PLXDC2: variants seen among roughly 807,000 people sequenced by gnomAD.
The protein encoded by PLXDC2 is plexin domain-containing protein 2.
In PLXDC2, 40 loss-of-function variants were observed where a neutral mutation model predicts 68.9. The ratio of observed to expected loss-of-function variants is 0.58; its 90% confidence interval spans 0.45 to 0.76. PLXDC2 has a LOEUF of 0.76. PLXDC2 is among the 30% of genes least tolerant of loss of function. The pLI, the probability that PLXDC2 is intolerant of heterozygous loss-of-function variation, is 0.00. For missense variants in PLXDC2, 644 were observed against 661.9 expected, an observed-to-expected ratio of 0.97 and a Z score of 0.30; for synonymous variants, 243 against 234.2, an observed-to-expected ratio of 1.04 and a Z score of -0.34.
intron 1 of PLXDC2, among the ~76,000 whole-genome samples, chr10:19,983,493 C>T (rs954028944): frequency 6.6e-6 from 1 of 152,160 alleles, no homozygotes; most frequent in African/African-American, 2.4e-5. Context: ...GAATTATCTG[C>T]TGGACTAGAA....
chr10:20,259,203 C>A (rs1835780946), intron 13 of PLXDC2, among the ~76,000 whole-genome samples: 1 of 151,864 alleles, frequency 6.6e-6, no homozygotes, highest in Non-Finnish European at 1.5e-5. Context: ...AGAACAATTG[C>A]CTTTTTTTTC....
chr10:19,983,615 T>G lies in PLXDC2; in HGVS notation c.113-18160T>G, dbSNP rs117546080. ...CTAACGCCCCAGTGAGATAAGAATA[T>G]GTATGTAGCTTTATTTCCTTCTGCC... On this transcript the variant is annotated intron_variant, in intron 1 of 13. Coordinates refer to ENST00000377252, the MANE Select transcript of PLXDC2 (RefSeq NM_032812.9). 4.2e-3 allele frequency among the ~76,000 whole-genome samples: 643 copies of G among 152,290 alleles called. 5 individuals are homozygous for G. Among genetic ancestry groups the G allele is most frequent in the South Asian group, 0.018 (85 of 4,830 alleles).
intron 1 of PLXDC2, among the ~76,000 whole-genome samples, chr10:19,990,429 C>G (rs1834728083): frequency 6.6e-6 from 1 of 152,010 alleles, no homozygotes; most frequent in Admixed American, 6.6e-5. Flanking sequence ...TCTAGTTTAT[C>G]TAGAATTTGC....
chr10:20,131,719 T>C (rs1833870610), intron 4 of PLXDC2, among the ~76,000 whole-genome samples: 1 of 152,188 alleles, frequency 6.6e-6, no homozygotes, highest in African/African-American at 2.4e-5. Flanking sequence ...TTTATTATTC[T>C]ATTTTTTCTT....
Position 19,999,133 on chromosome 10 carries a change from G to C in PLXDC2, c.113-2642G>C, listed in dbSNP as rs115621685. Among the ~76,000 whole-genome samples, 309 of 152,286 alleles carry C rather than the reference G, an allele frequency of 2.0e-3. 2 individuals are homozygous for C. Among genetic ancestry groups the C allele is most frequent in the African/African-American group, 5.5e-3 (230 of 41,584 alleles). ...TTAGAAGTAGAATCCCATGCAGAAG[G>C]CTCCTCCAGTATTAGGCATTCCGTT... On this transcript the variant is annotated intron_variant, in intron 1 of 13. Transcript: ENST00000377252.
At chr10:19,946,731 T>G (rs1439751018) in intron 1 of PLXDC2, among the ~76,000 whole-genome samples, 2 of 152,004 alleles carry the variant, frequency 1.3e-5, no homozygotes, top group African/African-American at 4.8e-5. Flanking sequence ...CGGTGGGTGA[T>G]GGGAGACAGA....
At chr10:20,206,891 G>A (rs1010925188) in intron 9 of PLXDC2, among the ~76,000 whole-genome samples, 4 of 150,194 alleles carry the variant, frequency 2.7e-5, no homozygotes, top group Non-Finnish European at 6.0e-5. Flanking sequence ...CACACACACA[G>A]CACCTCAGTG....
chr10:19,819,058 A>T (rs1836413106), intron 1 of PLXDC2, among the ~76,000 whole-genome samples: 1 of 151,916 alleles, frequency 6.6e-6, no homozygotes, highest in Admixed American at 6.6e-5. Flanking sequence ...ACACACACAC[A>T]CACACAATAC....
rs565513387 is a variant in PLXDC2, at chr10:20,007,159, G to A, written c.324+5173G>A. ...CCTTCACTGAATTCCACAACTCAGG[G>A]ACATATGTGTAAATGAGCAGGGCAA... On this transcript the variant is annotated intron_variant, in intron 2 of 13. Transcript: ENST00000377252. 3.9e-5 allele frequency among the ~76,000 whole-genome samples: 6 copies of A among 152,298 alleles called. No individual in the cohort carries two copies. In the South Asian group the frequency reaches 1.2e-3, roughly 32 times the overall value.
chr10:20,054,358 G>C (rs1006082130), intron 3 of PLXDC2, among the ~76,000 whole-genome samples: 1 of 152,010 alleles, frequency 6.6e-6, no homozygotes, highest in East Asian at 1.9e-4. Context: ...GTCTCTCTAA[G>C]AGTCTCTCTC....
intron 1 of PLXDC2, among the ~76,000 whole-genome samples, chr10:19,961,110 T>TG (rs1434393762): frequency 6.6e-6 from 1 of 152,226 alleles, no homozygotes; most frequent in Non-Finnish European, 1.5e-5. Context: ...TTCTGTGGTG[T>TG]TTTGGGGCAG....
At chr10:19,935,461 G>A (rs1833707166) in intron 1 of PLXDC2, among the ~76,000 whole-genome samples, 1 of 152,166 alleles carries the variant, frequency 6.6e-6, no homozygotes, top group Admixed American at 6.5e-5. Context: ...GAGAAATATG[G>A]GCTGTGAGAG....
At chr10:20,209,870 A>G (rs933661055) in intron 9 of PLXDC2, among the ~76,000 whole-genome samples, 1 of 152,208 alleles carries the variant, frequency 6.6e-6, no homozygotes, top group Non-Finnish European at 1.5e-5. Context: ...ATAAGTGTCC[A>G]TGAAATCTTC....
intron 1 of PLXDC2, among the ~76,000 whole-genome samples, chr10:19,892,392 C>G (rs1043104734): frequency 2.0e-5 from 3 of 152,156 alleles, no homozygotes; most frequent in Non-Finnish European, 4.4e-5. Context: ...AAGATCCGCT[C>G]TTAACCACTA....
intron 1 of PLXDC2, among the ~76,000 whole-genome samples, chr10:19,987,465 T>G (rs1834659900): frequency 6.6e-6 from 1 of 152,226 alleles, no homozygotes; most frequent in Admixed American, 6.5e-5. Context: ...CAAATCTGGA[T>G]GTAAATGGAT....
At chr10:20,201,217 CT>C (rs1376810658) in intron 9 of PLXDC2, among the ~76,000 whole-genome samples, 2 of 152,002 alleles carry the variant, frequency 1.3e-5, no homozygotes, top group African/African-American at 4.8e-5. Flanking sequence ...GAAGGAAATC[CT>C]GTCATTTAAA....
chr10:19,820,116 C>A (rs1285950484), intron 1 of PLXDC2, among the ~76,000 whole-genome samples: 1 of 152,142 alleles, frequency 6.6e-6, no homozygotes, highest in Non-Finnish European at 1.5e-5. Flanking sequence ...TAGTGTAGAA[C>A]ATTTATATCA....
At chr10:19,959,771 G>T (rs533113026) in intron 1 of PLXDC2, among the ~76,000 whole-genome samples, 2 of 152,090 alleles carry the variant, frequency 1.3e-5, no homozygotes, top group South Asian at 4.2e-4. Flanking sequence ...GAAACCCTAG[G>T]GACCCACAGA....
intron 1 of PLXDC2, among the ~76,000 whole-genome samples, chr10:19,985,414 A>G (rs1344513806): frequency 6.6e-6 from 1 of 152,190 alleles, no homozygotes; most frequent in African/African-American, 2.4e-5. Flanking sequence ...AGTAGAGATT[A>G]TTGTAGTGGA....
Sources: allele counts gnomAD v4.1 joint callset (sites outside exome capture counted in the v4.1 genomes callset), GRCh38; gene constraint gnomAD v4.1.1; transcripts MANE v1.5; gene names NCBI Gene and HGNC (gene_info 2026-07-23, HGNC 2026-07-21).